The following NBPF15 variants were observed in gnomAD, a reference collection of about 807,000 sequenced individuals.
NBPF15 encodes NBPF family member NBPF15.
Under a neutral mutation model 62.2 loss-of-function variants are expected in NBPF15, and 74 were observed. That is an observed-to-expected ratio of 1.19 (90% CI 0.99 to 1.44). The LOEUF (loss-of-function observed/expected upper bound fraction) is 1.44. Among genes scored for constraint, NBPF15 ranks in the 40% most tolerant of loss-of-function variants. NBPF15 has a pLI of 0.00. For missense variants in NBPF15, 790 were observed against 550.0 expected (o/e 1.44, Z -4.36); for synonymous variants, 244 against 209.7 (o/e 1.16, Z -1.41).
chr1:144,448,526 C>A (rs1689146988), intron 6 of NBPF15, among the ~76,000 whole-genome samples: 1 of 151,962 alleles, frequency 6.6e-6, no homozygotes, highest in South Asian at 2.1e-4. Flanking sequence ...GGAAACAAGG[C>A]AATATTTTGC....
At chr1:144,450,483 T>C (rs1298049592) in intron 5 of NBPF15, among the ~76,000 whole-genome samples, 16 of 151,698 alleles carry the variant, frequency 1.1e-4, no homozygotes, top group Non-Finnish European at 1.6e-4. Flanking sequence ...TTATCTGTAG[T>C]GAACCTGGAA....
chr1:144,457,371 CG>C (rs1648788948), intron 3 of NBPF15, among the ~76,000 whole-genome samples: 1 of 151,856 alleles, frequency 6.6e-6, no homozygotes, highest in Non-Finnish European at 1.5e-5. Flanking sequence ...GCTGAGCTTT[CG>C]CTAGGTTATG....
At chr1:144,445,124 A>T (rs1387917345) in intron 6 of NBPF15, among the ~76,000 whole-genome samples, 1 of 151,388 alleles carries the variant, frequency 6.6e-6, no homozygotes, top group African/African-American at 2.4e-5. Context: ...ACAGTGGAGC[A>T]TCTTTTCCTA....
chr1:144,455,300 G>A (rs1395667052), intron 4 of NBPF15, among the ~76,000 whole-genome samples: 8 of 150,652 alleles, frequency 5.3e-5, no homozygotes, highest in Non-Finnish European at 1.2e-4. Flanking sequence ...AAGGAAGGAA[G>A]GAAGGAAATG....
chr1:144,422,839 T>A lies in NBPF15; in HGVS notation c.*174A>T. 2 of 1,508,970 alleles carry A rather than the reference T, an allele frequency of 1.3e-6. No homozygotes were observed. Among genetic ancestry groups the A allele is most frequent in the East Asian group, 4.5e-5 (2 of 44,334 alleles). The allele number at this position is 1,508,970 out of a possible 1,614,324, so 93.5% of individuals were successfully genotyped here. On this transcript the variant is annotated 3_prime_UTR_variant, in exon 22 of 22. Coordinates refer to ENST00000581897, the MANE Select transcript of NBPF15 (RefSeq NM_001385408.1). ...TGTCACACCTAACATGGGTCCATTG[T>A]CTTCAGATTGAGCACAGGTTGCCAA...
At position 144,423,009 on chromosome 1, in the gene NBPF15, C is replaced by G. The variant is rs782675944; in HGVS notation, c.*4G>C. 1 of 1,611,636 alleles carries G rather than the reference C, an allele frequency of 6.2e-7. No individual in the cohort carries two copies. Among genetic ancestry groups the G allele is most frequent in the South Asian group, 1.1e-5 (1 of 90,960 alleles). ...ATGACATCTCTCGGCTTAGTAAGAGCTGCTTATTGTGGGAATATGACTCCC... is the reference window on the plus strand; with the variant it reads ...ATGACATCTCTCGGCTTAGTAAGAGGTGCTTATTGTGGGAATATGACTCCC... On this transcript the variant is annotated 3_prime_UTR_variant, in exon 22 of 22. Transcript: ENST00000581897.
intron 13 of NBPF15, among the ~76,000 whole-genome samples, chr1:144,433,159 G>A (rs1297261101): frequency 1.8e-4 from 27 of 152,046 alleles, no homozygotes; most frequent in East Asian, 3.9e-4. Flanking sequence ...ACTCAAAACC[G>A]CACAACTACA....
At chr1:144,431,799 A>G (rs1674561832) in intron 13 of NBPF15, among the ~76,000 whole-genome samples, 2 of 138,924 alleles carry the variant, frequency 1.4e-5, no homozygotes, top group Non-Finnish European at 3.1e-5. Flanking sequence ...AGCTTCATCC[A>G]TGCCCCTACA....
At chr1:144,455,216 G>A (rs1553546592) in intron 4 of NBPF15, among the ~76,000 whole-genome samples, 2 of 148,572 alleles carry the variant, frequency 1.3e-5, no homozygotes, top group African/African-American at 5.0e-5. Context: ...CAGAAGGGAA[G>A]GAGGGAGGGA....
rs1553538760 is a variant in NBPF15, at chr1:144,423,880, G to T, written c.1759C>A (p.Pro587Thr). The T allele has an allele frequency of 6.4e-6, 5 of 775,292 alleles. No individual in the cohort carries two copies. Among genetic ancestry groups the T allele is most frequent in the South Asian group, 4.0e-5 (3 of 74,716 alleles). 48.0% of individuals were successfully genotyped at this position (775,292 alleles called of 1,614,324 possible). A position where few individuals can be genotyped will look rare whatever the true frequency, so the allele number is the denominator to read the frequency against. ...GRKEGEDDNP[P>T]CPRLYGVLME... Reference sequence around the variant, plus strand: ...ATTGCTGAAAGTTACCTGGGGCATGGTGGGTTGTCATCTTCCCCTTCTTTT... The same window carrying T: ...ATTGCTGAAAGTTACCTGGGGCATGTTGGGTTGTCATCTTCCCCTTCTTTT... Residue 587 changes from proline to threonine, a missense_variant, in exon 21 of 22, where the codon CCA becomes ACA. Physicochemically the swap from Pro to Thr is conservative, Grantham distance 38 (BLOSUM62 -1). Transcript: ENST00000581897.
chr1:144,422,828 T>C lies in NBPF15; in HGVS notation c.*185A>G, dbSNP rs1558594277. 2 of 1,444,966 alleles carry C rather than the reference T, an allele frequency of 1.4e-6. No homozygotes were observed. Among genetic ancestry groups the C allele is most frequent in the Non-Finnish European group, 1.9e-6 (2 of 1,061,428 alleles). The allele number at this position is 1,444,966 out of a possible 1,614,324, so 89.5% of individuals were successfully genotyped here. On this transcript the variant is annotated 3_prime_UTR_variant, in exon 22 of 22. Transcript: ENST00000581897. The stretch of plus-strand genomic sequence containing the variant: ...TTATGTGAACGTGTCACACCTAACA[T>C]GGGTCCATTGTCTTCAGATTGAGCA...
At chr1:144,432,459 T>C (rs587641484) in intron 13 of NBPF15, among the ~76,000 whole-genome samples, 2 of 152,068 alleles carry the variant, frequency 1.3e-5, no homozygotes, top group South Asian at 4.2e-4. Flanking sequence ...CACATAACAA[T>C]ATTAACCTTA....
chr1:144,441,242 A>G (rs1234921179), intron 6 of NBPF15, among the ~76,000 whole-genome samples: 3 of 151,288 alleles, frequency 2.0e-5, no homozygotes, highest in Non-Finnish European at 4.4e-5. Flanking sequence ...TGGGTAGAAA[A>G]TGTTGGACAG....
chr1:144,452,059 G>A (rs1299521802), intron 4 of NBPF15, among the ~76,000 whole-genome samples: 1 of 151,448 alleles, frequency 6.6e-6, no homozygotes, highest in East Asian at 1.9e-4. Context: ...GGCTGAGGCA[G>A]GAGAATCACT....
At chr1:144,444,716 T>A (rs1435215868) in intron 6 of NBPF15, among the ~76,000 whole-genome samples, 1 of 151,846 alleles carries the variant, frequency 6.6e-6, no homozygotes, top group African/African-American at 2.4e-5. Flanking sequence ...TTTGAGTTGG[T>A]CTGGTGATAA....
chr1:144,449,850 G>T (rs1690002128), intron 5 of NBPF15, among the ~76,000 whole-genome samples: 1 of 151,280 alleles, frequency 6.6e-6, no homozygotes, highest in Non-Finnish European at 1.5e-5. Flanking sequence ...TAAGCTGTTT[G>T]TTCAGTTTCA....
rs1179238338 is a variant in NBPF15 at position 144,424,831 on chromosome 1, G to T, written c.1522C>A (p.Pro508Thr). 3 of 580,396 alleles carry T rather than the reference G, an allele frequency of 5.2e-6. No homozygotes were observed. Among genetic ancestry groups the T allele is most frequent in the East Asian group, 2.8e-5 (1 of 35,572 alleles). 36.0% of individuals were successfully genotyped at this position (580,396 alleles called of 1,614,324 possible). A position where few individuals can be genotyped will look rare whatever the true frequency, so the allele number is the denominator to read the frequency against. Residue 508 changes from proline (P) to threonine (T), a missense_variant, in exon 20 of 22, where the codon CCT (proline) becomes ACT (threonine). Pro to Thr is a conservative substitution (Grantham distance 38, BLOSUM62 -1). Coordinates refer to ENST00000581897, the MANE Select transcript of NBPF15 (RefSeq NM_001385408.1). ...TCCAGTGAGTCCTGCAAGACTTCAG[G>T]CTCTACTACCTCCAGCAGCTCCCTG... Reference protein sequence around the residue: ...LSRELLEVVEPEVLQDSLDRC... With the variant: ...LSRELLEVVETEVLQDSLDRC...
chr1:144,445,270 G>GTATATGTA (rs1686543533), intron 6 of NBPF15, among the ~76,000 whole-genome samples: 1 of 105,014 alleles, frequency 9.5e-6, no homozygotes, highest in Non-Finnish European at 1.9e-5. Flanking sequence ...GTCTGTATAT[G>GTATATGTA]TATATATATA....
Position 144,426,425 on chromosome 1 carries a change from T to C in NBPF15, c.1291A>G (p.Lys431Glu), listed in dbSNP as rs1202670692. Reference sequence around the variant, plus strand: ...GAGTCCTGCAAGACTTCAGGCTCTTTCTCATCCAGCAGCTCCCTGCTGAGC... The same window carrying C: ...GAGTCCTGCAAGACTTCAGGCTCTTCCTCATCCAGCAGCTCCCTGCTGAGC... ...PRLSRELLDE[K>E]EPEVLQDSLD... Residue 431 changes from lysine (K) to glutamate (E), a missense_variant, in exon 18 of 22, where the codon AAA becomes GAA. Physicochemically the swap from Lys to Glu is moderately conservative, Grantham distance 56. Transcript: ENST00000581897. 5.0e-6 allele frequency: 4 copies of C among 800,530 alleles called. No homozygotes were observed. Among genetic ancestry groups the C allele is most frequent in the Non-Finnish European group, 9.1e-6 (4 of 440,332 alleles). The allele number at this position is 800,530 out of a possible 1,614,324, so 49.6% of individuals were successfully genotyped here. A position where few individuals can be genotyped will look rare whatever the true frequency, so the allele number is the denominator to read the frequency against.
Sources: allele counts gnomAD v4.1 joint callset (sites outside exome capture counted in the v4.1 genomes callset), GRCh38; gene constraint gnomAD v4.1.1; transcripts MANE v1.5; gene names NCBI Gene and HGNC (gene_info 2026-07-23, HGNC 2026-07-21).